The following PCDH15 variants were observed in gnomAD, a reference collection of about 807,000 sequenced individuals.
The protein encoded by PCDH15 is protocadherin-15.
In PCDH15, 129 loss-of-function variants were observed where a neutral mutation model predicts 178.5. The ratio of observed to expected loss-of-function variants is 0.72; its 90% CI spans 0.63 to 0.84. The LOEUF is 0.84. Ranked by LOEUF, PCDH15 falls within the 40% of genes least tolerant of loss-of-function variation. The pLI, the probability that PCDH15 is intolerant of heterozygous loss-of-function variation, is 0.00. For synonymous variants in PCDH15, 800 were observed against 732.0 expected, an observed-to-expected ratio of 1.09 and a Z score of -1.50; for missense variants, 2,230 against 2,099.9, an observed-to-expected ratio of 1.06 and a Z score of -1.21.
At chr10:54,587,245 T>C (rs1022614147) in intron 2 of PCDH15, among the ~76,000 whole-genome samples, 2 of 152,202 alleles carry the variant, frequency 1.3e-5, no homozygotes, top group African/African-American at 4.8e-5. Flanking sequence ...TTGTCTCTGT[T>C]TCCCATTGAT....
At chr10:54,386,297 T>G (rs1367887823) in intron 3 of PCDH15, among the ~76,000 whole-genome samples, 1 of 152,006 alleles carries the variant, frequency 6.6e-6, no homozygotes, top group Admixed American at 6.6e-5. Context: ...AATAATCTTA[T>G]GCTGTTTTCA....
intron 2 of PCDH15, among the ~76,000 whole-genome samples, chr10:55,339,913 T>C (rs569785888): frequency 3.0e-4 from 46 of 151,828 alleles, no homozygotes; most frequent in Middle Eastern, 6.8e-3. Flanking sequence ...CAATGAAATC[T>C]TACCTGGAAA....
At chr10:55,170,488 C>A (rs1368206179) in intron 1 of PCDH15, among the ~76,000 whole-genome samples, 1 of 152,086 alleles carries the variant, frequency 6.6e-6, no homozygotes, top group Non-Finnish European at 1.5e-5. Flanking sequence ...AATACCACTA[C>A]CACCCCCTTT....
chr10:55,156,466 T>A (rs116761624), intron 2 of PCDH15, among the ~76,000 whole-genome samples: 10,878 of 152,150 alleles, frequency 0.071, 883 homozygotes, highest in African/African-American at 0.2. Context: ...GGCACCTCCA[T>A]GTGGCAGTTT....
chr10:54,065,745 A>C (rs1334712212), intron 18 of PCDH15, among the ~76,000 whole-genome samples: 2 of 152,230 alleles, frequency 1.3e-5, no homozygotes, highest in Non-Finnish European at 2.9e-5. Flanking sequence ...CAGTGATCTA[A>C]AGGAAAAAAT....
At chr10:55,289,460 A>G (rs1842955180) in intron 1 of PCDH15, among the ~76,000 whole-genome samples, 1 of 151,698 alleles carries the variant, frequency 6.6e-6, no homozygotes, top group African/African-American at 2.4e-5. Flanking sequence ...GAAGGAATGG[A>G]AGGAGAGAGT....
intron 9 of PCDH15, among the ~76,000 whole-genome samples, chr10:54,225,813 T>C (rs1317303234): frequency 2.0e-5 from 3 of 152,212 alleles, no homozygotes; most frequent in Non-Finnish European, 4.4e-5. Flanking sequence ...TTATATTTAT[T>C]TTTAAATAAA....
chr10:54,342,661 G>A (rs1942471779), intron 6 of PCDH15, among the ~76,000 whole-genome samples: 1 of 152,150 alleles, frequency 6.6e-6, no homozygotes, highest in Admixed American at 6.5e-5. Context: ...TCCACAGACA[G>A]CTTGCATCAT....
At chr10:54,456,308 C>T (rs2076818323) in intron 3 of PCDH15, among the ~76,000 whole-genome samples, 1 of 152,148 alleles carries the variant, frequency 6.6e-6, no homozygotes, top group South Asian at 2.1e-4. Flanking sequence ...TGTGGGAGCT[C>T]ACCTCTTGGA....
Position 55,336,124 on chromosome 10 carries a change from GAAAAAAAAAA to G in PCDH15, c.-155-169483_-155-169474del, listed in dbSNP as rs748988261. On this transcript the variant is annotated intron_variant, in intron 2 of 5. Coordinates refer to the PCDH15 transcript ENST00000613346. ...CCCAAAATATGGCACCTTGGTATTT[GAAAAAAAAAA>G]AAAAAAAAAAAAAAAAAAAACAGTA... Among the ~76,000 whole-genome samples the G allele has an allele frequency of 2.9e-3, 173 of 59,290 alleles. 3 individuals carry two copies. The highest frequency in any genetic ancestry group is 9.3e-3 in the African/African-American group (157 of 16,894). 38.9% of individuals were successfully genotyped at this position (59,290 alleles called of 152,430 possible). A position where few individuals can be genotyped will look rare whatever the true frequency, so the allele number is the denominator to read the frequency against.
intron 26 of PCDH15, among the ~76,000 whole-genome samples, chr10:53,871,451 C>CGTGTGTGTGTGT (rs71461208): frequency 0.01 from 1,533 of 146,888 alleles, 12 homozygotes; most frequent in East Asian, 0.022. Context: ...TATATTCATA[C>CGTGTGTGTGTGT]GTGTGTGTGT....
chr10:54,405,842 G>A (rs1178166338), intron 3 of PCDH15, among the ~76,000 whole-genome samples: 1 of 150,568 alleles, frequency 6.6e-6, no homozygotes, highest in Non-Finnish European at 1.5e-5. Flanking sequence ...AGAAGTTGAG[G>A]TGTTTTTTTT....
intron 32 of PCDH15, among the ~76,000 whole-genome samples, chr10:53,825,833 T>G (rs1483325697): frequency 2.6e-5 from 4 of 151,460 alleles, no homozygotes; most frequent in Non-Finnish European, 4.4e-5. Context: ...TTAAACTATT[T>G]CAATGAATAC....
intron 1 of PCDH15, among the ~76,000 whole-genome samples, chr10:54,701,346 T>C (rs2095306850): frequency 2.0e-5 from 3 of 151,986 alleles, no homozygotes; most frequent in Admixed American, 6.6e-5. Flanking sequence ...CAAGACATTA[T>C]AAAAACACAC....
chr10:55,464,320 T>C (rs1589051381), intron 2 of PCDH15, among the ~76,000 whole-genome samples: 1 of 152,214 alleles, frequency 6.6e-6, no homozygotes, highest in Admixed American at 6.5e-5. Flanking sequence ...CCATTTTTTT[T>C]CCTCCAAGAA....
intron 2 of PCDH15, among the ~76,000 whole-genome samples, chr10:55,092,144 T>C (rs1241760562): frequency 6.6e-6 from 1 of 151,888 alleles, no homozygotes; most frequent in Non-Finnish European, 1.5e-5. Context: ...TGTAGAATAA[T>C]TGTCTTAATT....
chr10:54,325,397 A>G (rs770347896), intron 7 of PCDH15, among the ~76,000 whole-genome samples: 8 of 152,116 alleles, frequency 5.3e-5, no homozygotes, highest in Non-Finnish European at 7.4e-5. Context: ...TATGACTTCA[A>G]GATAATATAT....
intron 2 of PCDH15, among the ~76,000 whole-genome samples, chr10:55,378,424 T>G (rs1298188332): frequency 6.6e-6 from 1 of 152,128 alleles, no homozygotes; most frequent in Non-Finnish European, 1.5e-5. Context: ...ATTCTCATAC[T>G]TGACTCAGCA....
chr10:54,988,618 G>A (rs1644268007), intron 2 of PCDH15, among the ~76,000 whole-genome samples: 1 of 152,178 alleles, frequency 6.6e-6, no homozygotes, highest in Non-Finnish European at 1.5e-5. Flanking sequence ...CTAGAGATTT[G>A]TGGAATTTTG....
Sources: allele counts gnomAD v4.1 joint callset (sites outside exome capture counted in the v4.1 genomes callset), GRCh38; gene constraint gnomAD v4.1.1; transcripts MANE v1.5; gene names NCBI Gene and HGNC (gene_info 2026-07-23, HGNC 2026-07-21).